Variants in ATP2B2 observed in about 807,000 individuals in gnomAD.
ATP2B2 encodes the protein plasma membrane calcium-transporting ATPase 2.
In ATP2B2, 15 loss-of-function variants were observed where a neutral mutation model predicts 120.0. That is an observed-to-expected ratio of 0.12 (90% confidence interval 0.08 to 0.19). The LOEUF is 0.19. ATP2B2 is among the 10% of genes least tolerant of loss of function. ATP2B2 has a pLI of 1.00. For synonymous variants in ATP2B2, 694 were observed against 700.3 expected (o/e 0.99, Z 0.14); for missense variants, 1,045 against 1,719.8 (o/e 0.61, Z 6.94).
chr3:10,683,098 C>G (rs2071421851), intron 1 of ATP2B2, among the ~76,000 whole-genome samples: 2 of 151,984 alleles, frequency 1.3e-5, no homozygotes, highest in South Asian at 4.2e-4. Flanking sequence ...TCTCATCTGA[C>G]CTTTACAACC....
chr3:10,508,319 G>A (rs1468871631), upstream of ATP2B2, among the ~76,000 whole-genome samples: 2 of 152,210 alleles, frequency 1.3e-5, no homozygotes, highest in Non-Finnish European at 2.9e-5. Context: ...TGCTTCCCCA[G>A]ACAGTCCTTC....
rs1304401412 is a variant in ATP2B2 at position 10,329,385 on chromosome 3, C to A, written c.3421-260G>T. On this transcript the variant is annotated intron_variant, in intron 22 of 22. Transcript: ENST00000360273. This position sits in a 1 kb window ranked among gnomAD's most constrained non-coding sequence, Gnocchi z 5.9. ...TAGGACAGGAGGAATCACCAAGCAC[C>A]ATCAAAGAGATGATGGGGAACAGTG... Among the ~76,000 whole-genome samples, 1 of 151,934 alleles carries A rather than the reference C, an allele frequency of 6.6e-6. No homozygotes were observed. The highest frequency in any genetic ancestry group is 1.9e-4 in the East Asian group (1 of 5,170).
intron 1 of ATP2B2, among the ~76,000 whole-genome samples, chr3:10,479,223 C>G (rs1377783860): frequency 1.3e-5 from 2 of 152,108 alleles, no homozygotes; most frequent in Non-Finnish European, 2.9e-5. Context: ...GCCCACTTTG[C>G]TTTTGGGATA....
intron 1 of ATP2B2, among the ~76,000 whole-genome samples, chr3:10,470,807 G>A (rs1334668000): frequency 6.6e-6 from 1 of 152,186 alleles, no homozygotes; most frequent in African/African-American, 2.4e-5. Context: ...CCAGCACAGA[G>A]CAGTGACCTT....
chr3:10,379,335 C>T lies in ATP2B2; in HGVS notation c.1001-51G>A, dbSNP rs557300384. On this transcript the variant is annotated intron_variant, in intron 8 of 22. Transcript: ENST00000360273. ...CAACAGAGAACAGACAACACATGGT[C>T]GGTCATCACGAAGACGCAACAGGCC... 74 of 1,592,100 alleles carry T rather than the reference C, an allele frequency of 4.6e-5. 1 individual carries two copies. In the South Asian group the frequency reaches 5.1e-4, roughly 11 times the overall value.
chr3:10,355,080 A>C (rs1156713263), intron 14 of ATP2B2, among the ~76,000 whole-genome samples: 1 of 151,270 alleles, frequency 6.6e-6, no homozygotes, highest in Non-Finnish European at 1.5e-5. Context: ...ACCTACCTAA[A>C]AAACAAACAA....
At chr3:10,419,557 G>A (rs1410215751) in intron 2 of ATP2B2, among the ~76,000 whole-genome samples, 4 of 152,200 alleles carry the variant, frequency 2.6e-5, no homozygotes, top group Non-Finnish European at 4.4e-5. Flanking sequence ...GACCTGGTTG[G>A]CATCTACCTT....
intron 2 of ATP2B2, among the ~76,000 whole-genome samples, chr3:10,558,044 A>G (rs1057338470): frequency 5.3e-5 from 8 of 152,190 alleles, no homozygotes; most frequent in African/African-American, 1.9e-4. Flanking sequence ...GGTCATCAGT[A>G]AGCTCCCAAG....
intron 2 of ATP2B2, among the ~76,000 whole-genome samples, chr3:10,414,448 G>C (rs2062715419): frequency 6.6e-6 from 1 of 152,194 alleles, no homozygotes; most frequent in Non-Finnish European, 1.5e-5. Flanking sequence ...AATGAGTGAA[G>C]TAGGTGAGTG....
chr3:10,591,032 G>A lies in ATP2B2; in HGVS notation c.-415+28885C>T, dbSNP rs1219699400. Among the ~76,000 whole-genome samples the A allele has an allele frequency of 2.0e-5, 3 of 151,846 alleles. No individual in the cohort carries two copies. In the East Asian group the frequency reaches 5.9e-4, roughly 30 times the overall value. On this transcript the variant is annotated intron_variant, in intron 2 of 21. Coordinates refer to the ATP2B2 transcript ENST00000646379. ...AGCTTATAACTCCTGGTCTACATGC[G>A]CTTTATCTCAGCAATCCCCTGCTTG...
chr3:10,380,951 G>A (rs988983970), intron 8 of ATP2B2, among the ~76,000 whole-genome samples: 1 of 152,236 alleles, frequency 6.6e-6, no homozygotes, highest in African/African-American at 2.4e-5. Context: ...AGGTGGGGCA[G>A]GAGGGATTTT....
intron 2 of ATP2B2, among the ~76,000 whole-genome samples, chr3:10,444,672 C>T (rs1259784279): frequency 1.3e-5 from 2 of 152,210 alleles, no homozygotes; most frequent in African/African-American, 2.4e-5. Flanking sequence ...AAGCTATCAT[C>T]GTCACCCTTT....
At chr3:10,608,317 G>A (rs559766451) in intron 2 of ATP2B2, among the ~76,000 whole-genome samples, 21 of 152,384 alleles carry the variant, frequency 1.4e-4, no homozygotes, top group African/African-American at 5.0e-4. Context: ...CCAGCTACTG[G>A]GGAGGCTGAG....
intron 8 of ATP2B2, among the ~76,000 whole-genome samples, chr3:10,381,843 GA>G (rs1199315664): frequency 1.1e-4 from 16 of 152,304 alleles, no homozygotes; most frequent in Middle Eastern, 6.8e-3. Flanking sequence ...GCATGGGTGT[GA>G]AGTGCATGGA....
chr3:10,372,821 C>A (rs1244897632), intron 11 of ATP2B2, among the ~76,000 whole-genome samples: 2 of 152,158 alleles, frequency 1.3e-5, no homozygotes, highest in Non-Finnish European at 2.9e-5. Flanking sequence ...CCCAACTCCA[C>A]ACTCATACCT....
chr3:10,361,899 G>A (rs945738421), intron 12 of ATP2B2, among the ~76,000 whole-genome samples: 1 of 152,188 alleles, frequency 6.6e-6, no homozygotes, highest in Admixed American at 6.5e-5. Flanking sequence ...AGAGTGGTGG[G>A]GGAGACTGGT....
At chr3:10,575,463 A>G (rs1260093900) in intron 2 of ATP2B2, among the ~76,000 whole-genome samples, 1 of 152,184 alleles carries the variant, frequency 6.6e-6, no homozygotes, top group Non-Finnish European at 1.5e-5. Flanking sequence ...TTTAGATAAG[A>G]GTTTCAGTTG....
At chr3:10,429,788 G>A (rs2063256878) in intron 2 of ATP2B2, among the ~76,000 whole-genome samples, 1 of 152,210 alleles carries the variant, frequency 6.6e-6, no homozygotes, top group Admixed American at 6.5e-5. Context: ...GCCAAGTTGT[G>A]AATGCAAAGG....
chr3:10,579,027 C>A (rs777775325), intron 2 of ATP2B2, among the ~76,000 whole-genome samples: 12 of 152,116 alleles, frequency 7.9e-5, no homozygotes, highest in African/African-American at 2.7e-4. Context: ...CAGGAGTGCA[C>A]TTGAGATTTG....
Sources: gnomAD v4.1 joint callset for allele counts (sites outside exome capture counted in the v4.1 genomes callset) on GRCh38, gnomAD v4.1.1 for gene constraint, Gnocchi (gnomAD v3.1) non-coding constraint, MANE v1.5 for transcripts, NCBI Gene and HGNC (gene_info 2026-07-23, HGNC 2026-07-21) for gene names.